The following FANCD2 variants were observed in gnomAD, a reference collection of about 807,000 sequenced individuals.
FANCD2 encodes FA complementation group D2.
FANCD2 carries 131 observed loss-of-function variants against 192.3 expected under a neutral mutation model. The observed-to-expected ratio is 0.68, with a 90% CI of 0.59 to 0.79. The LOEUF (loss-of-function observed/expected upper bound fraction) is 0.79, where lower values mean the gene tolerates loss of function less well. Ranked by LOEUF, FANCD2 falls within the 30% of genes least tolerant of loss-of-function variation. The probability of loss-of-function intolerance (pLI) is 0.00; values close to 1 mark genes in which losing one functional copy is unlikely to be tolerated. For missense variants in FANCD2, 1,508 were observed against 1,701.6 expected (o/e 0.89, Z 2.00); for synonymous variants, 524 against 612.5 (o/e 0.86, Z 2.13).
At chr3:10,069,568 TCTC>T (rs2087820650) in intron 26 of FANCD2, among the ~76,000 whole-genome samples, 1 of 149,712 alleles carries the variant, frequency 6.7e-6, no homozygotes, top group South Asian at 2.1e-4. Context: ...CCTGCCTGAT[TCTC>T]CTGCCTCAGC....
Position 10,101,821 on chromosome 3 carries a change from G to C in FANCD2, c.*559G>C, listed in dbSNP as rs1429351720. Reference sequence around the variant, plus strand: ...AAACCCAGCTGTGCTACACTGCAGAGTAAAATCTCTGAGTCATGATTCTGG... The same window carrying C: ...AAACCCAGCTGTGCTACACTGCAGACTAAAATCTCTGAGTCATGATTCTGG... On this transcript the variant is annotated 3_prime_UTR_variant, in exon 44 of 44. Coordinates refer to ENST00000675286, the MANE Select transcript of FANCD2 (RefSeq NM_001018115.3). 2 of 193,470 alleles carry C rather than the reference G, an allele frequency of 1.0e-5. No individual in the cohort carries two copies. The highest frequency in any genetic ancestry group is 2.2e-5 in the Non-Finnish European group (2 of 92,734). 12.0% of individuals were successfully genotyped at this position (193,470 alleles called of 1,614,324 possible).
At chr3:10,050,931 C>G (rs554377839) in intron 17 of FANCD2, among the ~76,000 whole-genome samples, 22 of 151,546 alleles carry the variant, frequency 1.5e-4, no homozygotes, top group Admixed American at 5.3e-4. Flanking sequence ...ACTAAAAATA[C>G]AAAAATTACC....
intron 38 of FANCD2, among the ~76,000 whole-genome samples, chr3:10,092,684 CTTTTTTTTTTTTT>C (rs565351425): frequency 2.8e-5 from 2 of 72,050 alleles, no homozygotes; most frequent in Middle Eastern, 7.4e-3. Flanking sequence ...TCTTTCATGT[CTTTTTTTTTTTTT>C]TTTTTTTTTT....
At chr3:10,069,672 CG>C (rs1157204556) in intron 26 of FANCD2, among the ~76,000 whole-genome samples, 1 of 152,066 alleles carries the variant, frequency 6.6e-6, no homozygotes, top group Non-Finnish European at 1.5e-5. Flanking sequence ...CTGTGTTGGC[CG>C]GGCCGGTCTC....
chr3:10,049,773 T>C (rs1223541327), intron 17 of FANCD2, among the ~76,000 whole-genome samples: 1 of 152,236 alleles, frequency 6.6e-6, no homozygotes, highest in Non-Finnish European at 1.5e-5. Flanking sequence ...GTGAATTCTC[T>C]GGTAAAGTAC....
At chr3:10,062,283 C>T (rs2125030135) in intron 20 of FANCD2, 72 bp downstream of exon 20, 1 of 1,264,792 alleles carries the variant, frequency 7.9e-7, no homozygotes, top group South Asian at 1.3e-5. Context: ...CTCTGTCACC[C>T]AACCTGCAGT....
At chr3:10,060,910 GT>G (rs1318611696) in intron 19 of FANCD2, among the ~76,000 whole-genome samples, 26 of 152,284 alleles carry the variant, frequency 1.7e-4, no homozygotes, top group African/African-American at 6.0e-4. Context: ...TTGGATTTCA[GT>G]TCATGCTCCT....
At chr3:10,083,971 T>C (rs1694013296) in intron 32 of FANCD2, among the ~76,000 whole-genome samples, 1 of 150,782 alleles carries the variant, frequency 6.6e-6, no homozygotes, top group African/African-American at 2.4e-5. Context: ...TTTTACATAG[T>C]ATATTCTAAA....
chr3:10,087,071 T>A, intron 33 of FANCD2, 63 bp from the exon 34 acceptor site: 1 of 1,587,836 alleles, frequency 6.3e-7, no homozygotes, highest in Non-Finnish European at 8.6e-7. Flanking sequence ...TCATGTGGAT[T>A]TAAATATATC....
Position 10,077,963 on chromosome 3 carries a change from G to A in FANCD2, c.2860-118G>A, listed in dbSNP as rs185210508. 2.3e-5 allele frequency: 18 copies of A among 784,324 alleles called. No individual in the cohort carries two copies. In the East Asian group the frequency reaches 4.3e-4, roughly 19 times the overall value. 48.6% of individuals were successfully genotyped at this position (784,324 alleles called of 1,614,324 possible). On this transcript the variant is annotated intron_variant, in intron 29 of 43. Transcript: ENST00000675286. ...ATGGGAGGATAACTTGGGCCCAGGA[G>A]TTCAAGGCTGGAATAGCTATGATCT... is the stretch of plus-strand genomic sequence containing the variant.
intron 35 of FANCD2, 57 bp from the exon 36 acceptor site, chr3:10,088,771 C>T: frequency 6.4e-7 from 1 of 1,573,290 alleles, no homozygotes; most frequent in South Asian, 1.1e-5. Flanking sequence ...TTAGAGGAAT[C>T]TGTAGTTGTA....
Position 10,043,865 on chromosome 3 carries a change from G to A in FANCD2, c.1134+1G>A. 5.6e-6 allele frequency: 9 copies of A among 1,608,800 alleles called. No homozygotes were observed. The highest frequency in any genetic ancestry group is 7.7e-6 in the Non-Finnish European group (9 of 1,175,448). On this transcript the variant is annotated splice_donor_variant, in intron 14 of 43. Coordinates refer to ENST00000675286, the MANE Select transcript of FANCD2 (RefSeq NM_001018115.3). LOFTEE classifies it high-confidence loss of function. The stretch of plus-strand genomic sequence containing the variant: ...CACTGCCTCAGTATCTGAACACAAG[G>A]TAATGTTCATGTACTATGCATTTTC...
chr3:10,064,175 G>C (rs1020336980), intron 21 of FANCD2, among the ~76,000 whole-genome samples, 181 bp from the exon 22 acceptor site: 2 of 152,182 alleles, frequency 1.3e-5, no homozygotes, highest in Admixed American at 6.5e-5. Context: ...TCTGTGCTGG[G>C]CCTTGTGCTA....
intron 6 of FANCD2, 39 bp downstream of exon 6, chr3:10,035,272 A>AT (rs1201219572): frequency 3.2e-6 from 5 of 1,557,864 alleles, no homozygotes; most frequent in Non-Finnish European, 4.4e-6. Context: ...TTGATGGAAG[A>AT]GGTTTGTGGT....
At chr3:10,077,858 C>A (rs1422168409) in intron 29 of FANCD2, among the ~76,000 whole-genome samples, 1 of 151,694 alleles carries the variant, frequency 6.6e-6, no homozygotes, top group Non-Finnish European at 1.5e-5. Context: ...AGTGAGACCT[C>A]ATTTCTTATT....
Position 10,052,534 on chromosome 3 carries a change from T to C in FANCD2, c.1656+37T>C, listed in dbSNP as rs9682264. On this transcript the variant is annotated intron_variant, in intron 18 of 43. Coordinates refer to ENST00000675286, the MANE Select transcript of FANCD2 (RefSeq NM_001018115.3). ...TATGTTGGGAAAGATTTTTTTTTTT[T>C]TGAGACAGAGTCTAGCTCTGTCTCC... 2 of 1,421,868 alleles carry C rather than the reference T, an allele frequency of 1.4e-6. No individual in the cohort carries two copies. Among genetic ancestry groups the C allele is most frequent in the East Asian group, 2.3e-5 (1 of 43,912 alleles). 88.1% of individuals were successfully genotyped at this position (1,421,868 alleles called of 1,614,324 possible). A position where few individuals can be genotyped will look rare whatever the true frequency, so the allele number is the denominator to read the frequency against.
At position 10,043,057 on chromosome 3, in the gene FANCD2, C is replaced by T; in HGVS notation, c.896C>T (p.Ser299Phe). The change falls in exon 12 of 44, where the codon TCT becomes TTT. Residue 299 changes from serine to phenylalanine, a missense_variant. This residue lies in a region of FANCD2 where 435 missense variants were observed against 421.9 expected (regional missense o/e 1.03). Coordinates refer to ENST00000675286, the MANE Select transcript of FANCD2 (RefSeq NM_001018115.3). ...AATATTTACTTTCTGCAGGTAATTT[C>T]TGAGCTTCGGGAGAAGTTGGATCTG... The part of the protein sequence containing the change: ...VTAMDTLEVI[S>F]ELREKLDLQH... 1 of 1,613,968 alleles carries T rather than the reference C, an allele frequency of 6.2e-7. No homozygotes were observed. The highest frequency in any genetic ancestry group is 8.5e-7 in the Non-Finnish European group (1 of 1,179,922).
intron 27 of FANCD2, 91 bp from the exon 28 acceptor site, chr3:10,073,162 A>G: frequency 9.4e-7 from 1 of 1,060,414 alleles, no homozygotes; most frequent in South Asian, 1.3e-5. Context: ...ACCTCTAGGC[A>G]GTTTCCAACA....
At chr3:10,085,485 G>A (rs1008819414) in intron 32 of FANCD2, among the ~76,000 whole-genome samples, 7 of 149,068 alleles carry the variant, frequency 4.7e-5, no homozygotes, top group South Asian at 4.2e-4. Flanking sequence ...TCCACCTCCC[G>A]AGTTCTAGCG....
Sources: gnomAD v4.1 joint callset for allele counts (sites outside exome capture counted in the v4.1 genomes callset) on GRCh38, gnomAD v4.1.1 for gene constraint, gnomAD v4.1.1 regional missense constraint, MANE v1.5 for transcripts, NCBI Gene and HGNC (gene_info 2026-07-23, HGNC 2026-07-21) for gene names.